Variants in GPATCH2 observed in about 807,000 individuals in gnomAD.
The protein encoded by GPATCH2 is G patch domain-containing protein 2.
GPATCH2 carries 51 observed loss-of-function variants against 58.0 expected under a neutral mutation model. The observed-to-expected ratio is 0.88, with a 90% CI of 0.70 to 1.11. GPATCH2 has a LOEUF of 1.11. Ranked by LOEUF, GPATCH2 falls within the 50% of genes most tolerant of loss-of-function variation. The pLI is 0.00. For missense variants in GPATCH2, 625 were observed against 652.2 expected, an observed-to-expected ratio of 0.96 and a Z score of 0.45; for synonymous variants, 222 against 218.5, an observed-to-expected ratio of 1.02 and a Z score of -0.14.
chr1:217,601,468 C>G (rs1219899380), intron 5 of GPATCH2, among the ~76,000 whole-genome samples: 1 of 151,816 alleles, frequency 6.6e-6, no homozygotes, highest in Non-Finnish European at 1.5e-5. Flanking sequence ...AAAGCTGTAC[C>G]TGGTAAACAA....
At chr1:217,567,305 C>T (rs762031170) in intron 5 of GPATCH2, among the ~76,000 whole-genome samples, 5 of 152,138 alleles carry the variant, frequency 3.3e-5, no homozygotes, top group Non-Finnish European at 7.4e-5. Flanking sequence ...CTGGGCCTCC[C>T]AAAGTGCTGG....
In GPATCH2 at chr1:217,430,827, A is replaced by G. The variant is rs1658498176; in HGVS notation, c.*318T>C. On this transcript the variant is annotated 3_prime_UTR_variant, in exon 10 of 10. Coordinates refer to ENST00000366935, the MANE Select transcript of GPATCH2 (RefSeq NM_018040.5). Reference sequence around the variant, plus strand: ...GTCTGGGCATTGCAGCACTGCACACATACATGAATTAAGCAAAGCATCGGA... The same window carrying G: ...GTCTGGGCATTGCAGCACTGCACACGTACATGAATTAAGCAAAGCATCGGA... The G allele has an allele frequency of 2.7e-6, 1 of 367,232 alleles. No homozygotes were observed. Among genetic ancestry groups the G allele is most frequent in the Non-Finnish European group, 5.0e-6 (1 of 198,750 alleles). 22.7% of individuals were successfully genotyped at this position (367,232 alleles called of 1,614,324 possible). A position where few individuals can be genotyped will look rare whatever the true frequency, so the allele number is the denominator to read the frequency against.
chr1:217,620,959 T>C (rs764886684), intron 1 of GPATCH2, among the ~76,000 whole-genome samples: 1 of 152,216 alleles, frequency 6.6e-6, no homozygotes, highest in Non-Finnish European at 1.5e-5. Flanking sequence ...GTCACTGTCA[T>C]ATAAGAGGCA....
intron 8 of GPATCH2, among the ~76,000 whole-genome samples, chr1:217,466,349 G>C (rs564830643): frequency 5.1e-4 from 77 of 151,802 alleles, no homozygotes; most frequent in African/African-American, 1.8e-3. Context: ...TGTACACACA[G>C]TATAACTACC....
intron 8 of GPATCH2, among the ~76,000 whole-genome samples, chr1:217,474,511 T>G (rs1558418181): frequency 6.6e-6 from 1 of 152,212 alleles, no homozygotes; most frequent in African/African-American, 2.4e-5. Context: ...TAAGTGGCAT[T>G]GGTAAATATG....
In GPATCH2 at chr1:217,429,969, T is replaced by C. The variant is rs1302784572; in HGVS notation, c.*1176A>G. ...GCCATTATAAATAGAATGATAATAA[T>C]CATCATCATAATAAGTTGTTAATAA... On this transcript the variant is annotated 3_prime_UTR_variant, in exon 10 of 10. Coordinates refer to ENST00000366935, the MANE Select transcript of GPATCH2 (RefSeq NM_018040.5). 1 of 120,250 alleles carries C rather than the reference T, an allele frequency of 8.3e-6. No individual in the cohort carries two copies. Among genetic ancestry groups the C allele is most frequent in the Non-Finnish European group, 1.8e-5 (1 of 55,378 alleles). 7.4% of individuals were successfully genotyped at this position (120,250 alleles called of 1,614,324 possible).
chr1:217,597,171 A>T (rs1349986110), intron 5 of GPATCH2, among the ~76,000 whole-genome samples: 2 of 151,932 alleles, frequency 1.3e-5, no homozygotes, highest in Admixed American at 6.6e-5. Flanking sequence ...ACCAAAAAAA[A>T]AAAAATTAAA....
intron 6 of GPATCH2, among the ~76,000 whole-genome samples, chr1:217,511,917 T>A (rs145130778): frequency 1.2e-4 from 19 of 152,224 alleles, no homozygotes; most frequent in African/African-American, 4.3e-4. Flanking sequence ...GTCCTGTGGC[T>A]TCTCCTTGTC....
intron 5 of GPATCH2, among the ~76,000 whole-genome samples, chr1:217,560,483 C>T (rs1665870419): frequency 1.3e-5 from 2 of 152,298 alleles, no homozygotes; most frequent in East Asian, 1.9e-4. Flanking sequence ...TGCACAAACA[C>T]TTTCCAAATA....
At chr1:217,516,019 A>G (rs1444462571) in intron 5 of GPATCH2, among the ~76,000 whole-genome samples, 2 of 152,096 alleles carry the variant, frequency 1.3e-5, no homozygotes, top group African/African-American at 2.4e-5. Flanking sequence ...AATTTCATCT[A>G]AGAGAAAAAT....
At chr1:217,437,255 C>T (rs969383354) in intron 9 of GPATCH2, among the ~76,000 whole-genome samples, 11 of 152,174 alleles carry the variant, frequency 7.2e-5, no homozygotes, top group East Asian at 1.9e-4. Flanking sequence ...GAGATCCCCC[C>T]GGGTGCCTAC....
intron 6 of GPATCH2, among the ~76,000 whole-genome samples, chr1:217,500,799 G>A (rs996144485): frequency 6.6e-6 from 1 of 151,794 alleles, no homozygotes. Context: ...CAGATCTCCT[G>A]AGCTGATCTG....
At chr1:217,515,499 G>C (rs1663088167) in intron 5 of GPATCH2, among the ~76,000 whole-genome samples, 1 of 152,084 alleles carries the variant, frequency 6.6e-6, no homozygotes, top group Non-Finnish European at 1.5e-5. Context: ...CCTGAGGTCA[G>C]GAGTTCGAGA....
intron 5 of GPATCH2, among the ~76,000 whole-genome samples, chr1:217,532,852 A>T (rs144440046): frequency 6.6e-6 from 1 of 151,642 alleles, no homozygotes; most frequent in East Asian, 1.9e-4. Flanking sequence ...CACTGGTCTT[A>T]ATTGTAAAAA....
rs188981996 is a variant in GPATCH2 at position 217,486,125 on chromosome 1, C to T, written c.1277+5555G>A. Among the ~76,000 whole-genome samples, 12 of 152,198 alleles carry T rather than the reference C, an allele frequency of 7.9e-5. No homozygotes were observed. In the East Asian group the frequency reaches 1.9e-3, roughly 25 times the overall value. On this transcript the variant is annotated intron_variant, in intron 8 of 9. Transcript: ENST00000366935. The stretch of plus-strand genomic sequence containing the variant: ...AATCCATAGACAATTTGAAGAAAAC[C>T]GATCTTAAGATATTGAGTCTTCTGA...
intron 5 of GPATCH2, among the ~76,000 whole-genome samples, chr1:217,527,701 A>G (rs1198601478): frequency 6.6e-6 from 1 of 152,210 alleles, no homozygotes; most frequent in African/African-American, 2.4e-5. Context: ...AATAATAATG[A>G]AGCCAATTAT....
In GPATCH2 at chr1:217,598,325, T is replaced by C. The variant is rs147159124; in HGVS notation, c.1098+11996A>G. On this transcript the variant is annotated intron_variant, in intron 5 of 9. Transcript: ENST00000366935. ...ATCACTTGAACCTGGGAACTGGAGG[T>C]TGCAGCAAGCCAAGATCGCACTATT... 2.5e-3 allele frequency among the ~76,000 whole-genome samples: 378 copies of C among 150,952 alleles called. 1 individual carries two copies. The highest frequency in any genetic ancestry group is 3.5e-3 in the Non-Finnish European group (234 of 67,702).
intron 7 of GPATCH2, 97 bp from the exon 8 acceptor site, chr1:217,491,847 C>A: frequency 7.4e-5 from 30 of 403,300 alleles, no homozygotes; most frequent in Non-Finnish European, 1.0e-4. Context: ...GGACACTACT[C>A]ATTTATTTGC....
intron 2 of GPATCH2, among the ~76,000 whole-genome samples, chr1:217,619,247 T>C (rs1418671369): frequency 6.6e-6 from 1 of 152,186 alleles, no homozygotes; most frequent in Non-Finnish European, 1.5e-5. Flanking sequence ...TTTTTCCTAT[T>C]TTTCTAATGA....
Sources: gnomAD v4.1 joint callset for allele counts (sites outside exome capture counted in the v4.1 genomes callset) on GRCh38, gnomAD v4.1.1 for gene constraint, MANE v1.5 for transcripts, NCBI Gene and HGNC (gene_info 2026-07-23, HGNC 2026-07-21) for gene names.